SLC27A6: variants seen among roughly 807,000 people sequenced by gnomAD.
The protein encoded by SLC27A6 is solute carrier family 27 member 6.
Under a neutral mutation model 63.9 loss-of-function variants are expected in SLC27A6, and 74 were observed. The ratio of observed to expected loss-of-function variants is 1.16; its 90% CI spans 0.96 to 1.40. SLC27A6 has a LOEUF of 1.40. Ranked by LOEUF, SLC27A6 falls within the 40% of genes most tolerant of loss-of-function variation. The probability of loss-of-function intolerance (pLI) is 0.00; values close to 1 mark genes in which losing one functional copy is unlikely to be tolerated. For synonymous variants in SLC27A6, 287 were observed against 260.8 expected (o/e 1.10, Z -0.97); for missense variants, 794 against 732.9 (o/e 1.08, Z -0.96).
rs562978320 is a variant in SLC27A6 at position 129,005,948 on chromosome 5, A to G, written c.970-9937A>G. On this transcript the variant is annotated intron_variant, in intron 4 of 9. Transcript: ENST00000262462. ...TTGTTTTAATAAAACATTATTTGCA[A>G]AAACGGGACATGGCTCAGATTGGGC... Among the ~76,000 whole-genome samples, 3 of 151,742 alleles carry G rather than the reference A, an allele frequency of 2.0e-5. No homozygotes were observed. The East Asian group carries it at 5.9e-4, about 30-fold the overall frequency.
chr5:128,973,512 C>T (rs575507729), intron 1 of SLC27A6, among the ~76,000 whole-genome samples: 1 of 152,156 alleles, frequency 6.6e-6, no homozygotes, highest in Non-Finnish European at 1.5e-5. Context: ...GCTGCCACCT[C>T]GCAGTTCAAT....
chr5:129,011,237 A>G (rs1423914947), intron 4 of SLC27A6, among the ~76,000 whole-genome samples: 4 of 152,222 alleles, frequency 2.6e-5, no homozygotes, highest in African/African-American at 9.6e-5. Flanking sequence ...AAGTGGCAGC[A>G]GTAATAGGCA....
chr5:128,980,200 T>C (rs1750535600), intron 1 of SLC27A6, among the ~76,000 whole-genome samples: 1 of 152,122 alleles, frequency 6.6e-6, no homozygotes, highest in African/African-American at 2.4e-5. Flanking sequence ...CAACCAACAG[T>C]AGTAGTAATA....
intron 1 of SLC27A6, among the ~76,000 whole-genome samples, chr5:128,973,783 G>A (rs1170517462): frequency 6.6e-6 from 1 of 152,188 alleles, no homozygotes; most frequent in Non-Finnish European, 1.5e-5. Context: ...TGCACCCACT[G>A]TCCAGCAAGT....
Position 128,966,267 on chromosome 5 carries a change from C to G in SLC27A6, c.130C>G (p.Leu44Val), listed in dbSNP as rs771390425. 19 of 1,613,732 alleles carry G rather than the reference C, an allele frequency of 1.2e-5. No individual in the cohort carries two copies. The East Asian group carries it at 4.0e-4, about 34-fold the overall frequency. The change falls in exon 1 of 10, where the codon CTG (leucine) becomes GTG (valine). Residue 44 changes from leucine (L) to valine (V), a missense_variant. Transcript: ENST00000262462. ...GAAGGTGGTGCTCATTATAATTCGG[C>G]TGAAGAAGTATGAAAAGAGAGGGGA... ...VLKVVLIIIR[L>V]KKYEKRGELV...
chr5:128,997,883 C>T (rs1304878253), intron 4 of SLC27A6, among the ~76,000 whole-genome samples: 1 of 152,098 alleles, frequency 6.6e-6, no homozygotes, highest in Non-Finnish European at 1.5e-5. Context: ...AAATAAGTAA[C>T]AATACCTACT....
intron 1 of SLC27A6, among the ~76,000 whole-genome samples, chr5:128,974,778 G>A (rs1750319872): frequency 6.6e-6 from 1 of 152,144 alleles, no homozygotes; most frequent in Non-Finnish European, 1.5e-5. Context: ...AGTTACCCTG[G>A]ATCTCACTGA....
chr5:128,968,390 T>C (rs1749994223), intron 1 of SLC27A6, among the ~76,000 whole-genome samples: 1 of 152,156 alleles, frequency 6.6e-6, no homozygotes, highest in Admixed American at 6.5e-5. Context: ...AGTGTCAAAG[T>C]GTTCCTATTT....
At chr5:128,987,585 G>A (rs570939302) in intron 2 of SLC27A6, among the ~76,000 whole-genome samples, 1 of 152,020 alleles carries the variant, frequency 6.6e-6, no homozygotes, top group Non-Finnish European at 1.5e-5. Flanking sequence ...TCTGAAAGAT[G>A]GGGACAAAAA....
In SLC27A6 at chr5:128,990,217, G is replaced by A. The variant is rs1750930100; in HGVS notation, c.845-123G>A. On this transcript the variant is annotated intron_variant, in intron 3 of 9. Transcript: ENST00000262462. ...AATGAGTTTGATATAAATTATTGAT[G>A]ATGAGTTATTAAAGTTTTAAAATGA... is the stretch of plus-strand genomic sequence containing the variant. 3.4e-6 allele frequency: 3 copies of A among 877,830 alleles called. No individual in the cohort carries two copies. The East Asian group carries it at 7.8e-5, about 23-fold the overall frequency. 54.4% of individuals were successfully genotyped at this position (877,830 alleles called of 1,614,324 possible).
chr5:128,974,031 G>T (rs1049864939), intron 1 of SLC27A6, among the ~76,000 whole-genome samples: 2 of 152,168 alleles, frequency 1.3e-5, no homozygotes, highest in African/African-American at 4.8e-5. Flanking sequence ...CGTAAGTTCT[G>T]TTTACAAGGG....
At chr5:129,021,351 C>G (rs537237999) in intron 5 of SLC27A6, among the ~76,000 whole-genome samples, 2 of 152,120 alleles carry the variant, frequency 1.3e-5, no homozygotes, top group East Asian at 1.9e-4. Context: ...TATTTCACTT[C>G]GTGACTTTGA....
chr5:128,968,845 A>C (rs530398126), intron 1 of SLC27A6, among the ~76,000 whole-genome samples: 23 of 152,182 alleles, frequency 1.5e-4, no homozygotes, highest in Admixed American at 2.6e-4. Context: ...GCCCATGCCT[A>C]TGTCCTGAAT....
Position 129,015,853 on chromosome 5 carries a change from C to A in SLC27A6, c.970-32C>A, listed in dbSNP as rs750902358. The A allele has an allele frequency of 5.6e-6, 8 of 1,437,018 alleles. No homozygotes were observed. The East Asian group carries it at 1.7e-4, about 30-fold the overall frequency. 89.0% of individuals were successfully genotyped at this position (1,437,018 alleles called of 1,614,324 possible). A position where few individuals can be genotyped will look rare whatever the true frequency, so the allele number is the denominator to read the frequency against. On this transcript the variant is annotated intron_variant, in intron 4 of 9. Transcript: ENST00000262462. ...ATAAAGAAAGAATTAGAAACTGGAA[C>A]TAATTACAAGTAAAACATTTTCTTC...
intron 7 of SLC27A6, 125 bp downstream of exon 7, chr5:129,027,456 T>C: frequency 1.5e-6 from 1 of 685,880 alleles, no homozygotes; most frequent in East Asian, 2.5e-5. Context: ...CCATGTCTCC[T>C]CATTAAAACA....
chr5:128,972,458 T>C (rs1162379573), intron 1 of SLC27A6, among the ~76,000 whole-genome samples: 1 of 152,224 alleles, frequency 6.6e-6, no homozygotes, highest in Non-Finnish European at 1.5e-5. Context: ...GCTTTGTTTT[T>C]TCTTTTTACT....
intron 9 of SLC27A6, among the ~76,000 whole-genome samples, chr5:129,030,338 A>C (rs1378004051): frequency 1.3e-5 from 2 of 152,064 alleles, no homozygotes. Flanking sequence ...CCTCAAATAT[A>C]ATTTCCCAAA....
At chr5:128,992,543 A>G (rs1234002444) in intron 4 of SLC27A6, among the ~76,000 whole-genome samples, 1 of 152,192 alleles carries the variant, frequency 6.6e-6, no homozygotes, top group Non-Finnish European at 1.5e-5. Flanking sequence ...AAATAACTAT[A>G]GATTCCACAG....
chr5:129,027,041 T>G, intron 6 of SLC27A6, 92 bp from the exon 7 acceptor site: 1 of 1,038,054 alleles, frequency 9.6e-7, no homozygotes. Context: ...GCAGCATTGG[T>G]TGTGCTGGCC....
Sources: gnomAD v4.1 joint callset for allele counts (sites outside exome capture counted in the v4.1 genomes callset) on GRCh38, gnomAD v4.1.1 for gene constraint, MANE v1.5 for transcripts, NCBI Gene and HGNC (gene_info 2026-07-23, HGNC 2026-07-21) for gene names.